TRAPPC8: variants seen among roughly 807,000 people sequenced by gnomAD.
TRAPPC8 encodes trafficking protein particle complex subunit 8.
In TRAPPC8, 54 loss-of-function variants were observed where a neutral mutation model predicts 174.3. The observed-to-expected ratio is 0.31, with a 90% CI of 0.25 to 0.39. TRAPPC8 has a LOEUF of 0.39. Ranked by LOEUF, TRAPPC8 falls within the 10% of genes least tolerant of loss-of-function variation. The pLI, the probability that TRAPPC8 is intolerant of heterozygous loss-of-function variation, is 1.00. For synonymous variants in TRAPPC8, 630 were observed against 579.9 expected, an observed-to-expected ratio of 1.09 and a Z score of -1.24; for missense variants, 1,531 against 1,699.1, an observed-to-expected ratio of 0.90 and a Z score of 1.74.
At chr18:31,854,715 T>C (rs891574483) in intron 21 of TRAPPC8, among the ~76,000 whole-genome samples, 1 of 152,100 alleles carries the variant, frequency 6.6e-6, no homozygotes, top group Non-Finnish European at 1.5e-5. Context: ...ACGCCTGTAA[T>C]CCCAGCACTT....
At chr18:31,903,319 T>C (rs2036526613) in intron 9 of TRAPPC8, among the ~76,000 whole-genome samples, 1 of 152,202 alleles carries the variant, frequency 6.6e-6, no homozygotes, top group African/African-American at 2.4e-5. Context: ...ATATAAGTAA[T>C]ACATTTATAT....
intron 2 of TRAPPC8, among the ~76,000 whole-genome samples, chr18:31,928,073 G>A (rs1370735544): frequency 7.2e-6 from 1 of 139,698 alleles, no homozygotes. Context: ...GAAGAATCGT[G>A]TGAACCCAGG....
At chr18:31,837,664 C>T (rs1022667895) in intron 27 of TRAPPC8, among the ~76,000 whole-genome samples, 2 of 151,906 alleles carry the variant, frequency 1.3e-5, no homozygotes, top group Admixed American at 6.6e-5. Context: ...TATCACTGCA[C>T]TCCAGCCTGG....
At chr18:31,933,608 T>C (rs772001801) in intron 1 of TRAPPC8, among the ~76,000 whole-genome samples, 4 of 152,124 alleles carry the variant, frequency 2.6e-5, no homozygotes, top group Non-Finnish European at 5.9e-5. Context: ...ACCTGCACCA[T>C]GGGTTATTAT....
chr18:31,874,767 A>G (rs1422644261), intron 12 of TRAPPC8, 63 bp from the exon 13 acceptor site: 1 of 1,363,770 alleles, frequency 7.3e-7, no homozygotes, highest in Non-Finnish European at 1.0e-6. Flanking sequence ...GAAAAAACAA[A>G]TACAAACACA....
chr18:31,867,597 T>TAAGGATACGGCG, intron 16 of TRAPPC8, 121 bp from the exon 17 acceptor site: 2 of 641,142 alleles, frequency 3.1e-6, no homozygotes, highest in South Asian at 2.4e-5. Flanking sequence ...ACTTGGTTTT[T>TAAGGATACGGCG]ACCACATGCT....
intron 5 of TRAPPC8, 55 bp downstream of exon 5, chr18:31,913,314 C>T (rs936142779): frequency 4.0e-6 from 6 of 1,511,738 alleles, no homozygotes; most frequent in East Asian, 4.6e-5. Context: ...TAAACCAAAA[C>T]GTAAAAACTG....
intron 5 of TRAPPC8, 144 bp from the exon 6 acceptor site, chr18:31,909,904 T>C (rs188524365): frequency 3.8e-6 from 2 of 524,724 alleles, no homozygotes. Context: ...TCCTCCAAAT[T>C]CATAACTTCT....
chr18:31,908,624 A>G, intron 7 of TRAPPC8, 130 bp downstream of exon 7: 1 of 1,043,228 alleles, frequency 9.6e-7, no homozygotes, highest in Non-Finnish European at 1.3e-6. Context: ...ATTGATAGTA[A>G]TTTTGGGAAG....
At chr18:31,904,853 A>C (rs1449537504) in intron 9 of TRAPPC8, among the ~76,000 whole-genome samples, 2 of 152,042 alleles carry the variant, frequency 1.3e-5, no homozygotes, top group Non-Finnish European at 2.9e-5. Flanking sequence ...AACTTGGTGA[A>C]ACCCCATTTC....
At chr18:31,837,117 G>C (rs181129791) in intron 27 of TRAPPC8, among the ~76,000 whole-genome samples, 1 of 152,012 alleles carries the variant, frequency 6.6e-6, no homozygotes, top group Non-Finnish European at 1.5e-5. Context: ...ATCTGTATCA[G>C]AGAAAGGAAC....
chr18:31,935,363 C>CAAA (rs1568157775), intron 1 of TRAPPC8, among the ~76,000 whole-genome samples: 11 of 2,422 alleles, frequency 4.5e-3, no homozygotes, highest in African/African-American at 0.011. Context: ...AACAAACAAA[C>CAAA]CAAAAAAAAA....
Position 31,829,864 on chromosome 18 carries a change from A to G in TRAPPC8, c.*891T>C, listed in dbSNP as rs1166593632. ...CAGCAGGGCTGAATTGAAATTTCTTATGTCCAAATGCCCATTCTCTGAATA... is the reference window on the plus strand; with the variant it reads ...CAGCAGGGCTGAATTGAAATTTCTTGTGTCCAAATGCCCATTCTCTGAATA... On this transcript the variant is annotated 3_prime_UTR_variant, in exon 29 of 29. Transcript: ENST00000283351. 6.6e-6 allele frequency: 1 copy of G among 152,646 alleles called. No homozygotes were observed. Among genetic ancestry groups the G allele is most frequent in the African/African-American group, 2.4e-5 (1 of 41,458 alleles). 9.5% of individuals were successfully genotyped at this position (152,646 alleles called of 1,614,324 possible).
Position 31,932,409 on chromosome 18 carries a change from AGAGT to A in TRAPPC8, c.158-890_158-887del, listed in dbSNP as rs2037886299. On this transcript the variant is annotated intron_variant, in intron 1 of 28. Transcript: ENST00000283351. Reference sequence around the variant, plus strand: ...ACTGCTGCACTCTAGCTTGGGTGACAGAGTGAGACTTGGTCTCCAAAAAAAAAAA... The same window carrying A: ...ACTGCTGCACTCTAGCTTGGGTGACAGAGACTTGGTCTCCAAAAAAAAAAA... 4.0e-5 allele frequency among the ~76,000 whole-genome samples: 6 copies of A among 151,504 alleles called. No individual in the cohort carries two copies. The South Asian group carries it at 1.1e-3, about 27-fold the overall frequency.
At chr18:31,939,043 C>G (rs577491818) in intron 1 of TRAPPC8, among the ~76,000 whole-genome samples, 3 of 140,492 alleles carry the variant, frequency 2.1e-5, no homozygotes, top group Non-Finnish European at 4.5e-5. Flanking sequence ...TCTATCTCGC[C>G]GCTGCACTCC....
rs148683320 is a variant in TRAPPC8, at chr18:31,871,022, C to T, written c.2161G>A (p.Val721Ile). Residue 721 changes from valine (V) to isoleucine (I), a missense_variant, in exon 15 of 29, where the codon GTT (valine) becomes ATT (isoleucine). Val to Ile is a conservative substitution (Grantham distance 29). Transcript: ENST00000283351. ...RELEEQVVSV[V>I]NKGVIPSNFH... ...TTGGATGGAATTACTCCTTTGTTAA[C>T]CACAGAAACAACTTGTTCCTCAAGT... The T allele has an allele frequency of 1.1e-4, 171 of 1,611,368 alleles. No homozygotes were observed. The African/African-American group carries it at 1.9e-3, about 18-fold the overall frequency.
chr18:31,839,208 T>A, intron 27 of TRAPPC8, 104 bp downstream of exon 27: 1 of 1,141,852 alleles, frequency 8.8e-7, no homozygotes, highest in Non-Finnish European at 1.2e-6. Flanking sequence ...ACATTCTAAA[T>A]TTCCTCTTCA....
At chr18:31,937,063 A>T (rs2038137212) in intron 1 of TRAPPC8, among the ~76,000 whole-genome samples, 1 of 151,604 alleles carries the variant, frequency 6.6e-6, no homozygotes, top group African/African-American at 2.4e-5. Flanking sequence ...AAACACAAAA[A>T]ATTAGCCAGG....
chr18:31,855,539 T>A (rs2033954374), intron 21 of TRAPPC8, 121 bp downstream of exon 21: 1 of 790,208 alleles, frequency 1.3e-6, no homozygotes, highest in Non-Finnish European at 2.0e-6. Flanking sequence ...CTATTCTACA[T>A]GAACATTCCT....
Sources: gnomAD v4.1 joint callset for allele counts (sites outside exome capture counted in the v4.1 genomes callset) on GRCh38, gnomAD v4.1.1 for gene constraint, MANE v1.5 for transcripts, NCBI Gene and HGNC (gene_info 2026-07-23, HGNC 2026-07-21) for gene names.